Variants in GRK3 observed in about 807,000 individuals in gnomAD.
GRK3 encodes the protein adrenergic, beta, receptor kinase 2.
A neutral mutation model predicts 95.7 loss-of-function variants in GRK3; 54 were observed. The ratio of observed to expected loss-of-function variants is 0.56; its 90% CI spans 0.45 to 0.71. GRK3 has a LOEUF of 0.71. Among genes scored for constraint, GRK3 ranks in the 30% least tolerant of loss-of-function variants. The probability of loss-of-function intolerance (pLI) is 0.00; values close to 1 mark genes in which losing one functional copy is unlikely to be tolerated. For synonymous variants in GRK3, 281 were observed against 290.8 expected (o/e 0.97, Z 0.34); for missense variants, 649 against 851.2 (o/e 0.76, Z 2.96).
chr22:25,599,310 A>G (rs2084392749), intron 1 of GRK3, among the ~76,000 whole-genome samples: 1 of 152,212 alleles, frequency 6.6e-6, no homozygotes, highest in Non-Finnish European at 1.5e-5. Flanking sequence ...AATCACATAT[A>G]TGCCAGGTGC....
intron 12 of GRK3, among the ~76,000 whole-genome samples, chr22:25,691,989 G>C (rs2146439970): frequency 6.6e-6 from 1 of 152,092 alleles, no homozygotes; most frequent in East Asian, 1.9e-4. Context: ...TTTGAGACAG[G>C]GTCTTGCTCT....
intron 6 of GRK3, 77 bp from the exon 7 acceptor site, chr22:25,672,219 T>C (rs1387849665): frequency 2.8e-6 from 2 of 722,318 alleles, no homozygotes; most frequent in Non-Finnish European, 4.6e-6. Flanking sequence ...GCCGTTCTAG[T>C]CTGTCTTACG....
chr22:25,706,567 G>T (rs1171323434), intron 15 of GRK3, among the ~76,000 whole-genome samples: 1 of 152,022 alleles, frequency 6.6e-6, no homozygotes, highest in Middle Eastern at 3.2e-3. Context: ...GTCTCGCTCT[G>T]TTACCCAGGT....
intron 3 of GRK3, among the ~76,000 whole-genome samples, chr22:25,645,677 C>A (rs960603310): frequency 3.3e-5 from 5 of 152,120 alleles, no homozygotes; most frequent in African/African-American, 1.2e-4. Context: ...AATCCCAGCA[C>A]TTTGGGAGGC....
At chr22:25,712,489 C>T (rs760066006) in intron 17 of GRK3, among the ~76,000 whole-genome samples, 4 of 152,224 alleles carry the variant, frequency 2.6e-5, no homozygotes, top group Non-Finnish European at 4.4e-5. Context: ...ACTATCTGTC[C>T]GTCAGAGTAC....
chr22:25,672,686 C>G (rs1432405447), intron 7 of GRK3, among the ~76,000 whole-genome samples: 1 of 152,032 alleles, frequency 6.6e-6, no homozygotes, highest in Non-Finnish European at 1.5e-5. Context: ...GGTAGAGTTC[C>G]TTTTCTTTTT....
At chr22:25,703,632 C>T (rs1002989404) in intron 14 of GRK3, 56 bp downstream of exon 14, 30 of 1,215,326 alleles carry the variant, frequency 2.5e-5, no homozygotes, top group South Asian at 2.5e-4. Context: ...TGCTTCATTC[C>T]GTCAATAATA....
chr22:25,588,267 C>T (rs1932384652), intron 1 of GRK3, among the ~76,000 whole-genome samples: 1 of 151,998 alleles, frequency 6.6e-6, no homozygotes, highest in African/African-American at 2.4e-5. Flanking sequence ...TTTATTGTCA[C>T]CTTAATATCT....
At chr22:25,685,078 A>C (rs1376397033) in intron 9 of GRK3, 92 bp from the exon 10 acceptor site, 2 of 822,332 alleles carry the variant, frequency 2.4e-6, no homozygotes, top group Non-Finnish European at 4.1e-6. Flanking sequence ...AAAATAAAGT[A>C]ATTTTAAAAA....
intron 19 of GRK3, 73 bp downstream of exon 19, chr22:25,718,454 A>G: frequency 6.6e-7 from 1 of 1,526,660 alleles, no homozygotes; most frequent in Non-Finnish European, 9.0e-7. Flanking sequence ...CATGTTGCTG[A>G]CATGTTTTAT....
intron 1 of GRK3, among the ~76,000 whole-genome samples, chr22:25,570,464 A>G (rs1352077116): frequency 9.9e-5 from 15 of 152,222 alleles, no homozygotes; most frequent in Admixed American, 9.2e-4. Flanking sequence ...AAAGGGAAAA[A>G]CAATATTTTT....
In GRK3 at chr22:25,702,774, A is replaced by G. The variant is rs533032860; in HGVS notation, c.1161-736A>G. On this transcript the variant is annotated intron_variant, in intron 13 of 20. Coordinates refer to ENST00000324198, the MANE Select transcript of GRK3 (RefSeq NM_005160.4). ...TACTGCCATTGTCTTGGCTACTTGC[A>G]TAGATGTCACTTTAGTTTTTCCCTT... 10 of 455,978 alleles carry G rather than the reference A, an allele frequency of 2.2e-5. 1 individual carries two copies. Among genetic ancestry groups the G allele is most frequent in the African/African-American group, 8.0e-5 (4 of 50,184 alleles). The allele number at this position is 455,978 out of a possible 1,614,324, so 28.2% of individuals were successfully genotyped here. A position where few individuals can be genotyped will look rare whatever the true frequency, so the allele number is the denominator to read the frequency against.
chr22:25,569,697 ACGCCT>A (rs1931616165), intron 1 of GRK3, among the ~76,000 whole-genome samples: 1 of 152,202 alleles, frequency 6.6e-6, no homozygotes. Flanking sequence ...AGCTAGCAGG[ACGCCT>A]GGCCTCCCTA....
chr22:25,594,481 G>A (rs1212439071), intron 1 of GRK3, among the ~76,000 whole-genome samples: 1 of 152,130 alleles, frequency 6.6e-6, no homozygotes, highest in Admixed American at 6.5e-5. Flanking sequence ...AAATCCAGCA[G>A]CACATCAAAG....
chr22:25,711,209 A>G (rs2085341547), intron 17 of GRK3, 46 bp downstream of exon 17: 1 of 1,351,896 alleles, frequency 7.4e-7, no homozygotes, highest in South Asian at 1.3e-5. Context: ...TTTGGATGGG[A>G]TGATTTCTGT....
intron 13 of GRK3, among the ~76,000 whole-genome samples, chr22:25,698,035 G>A (rs1045879180): frequency 6.6e-6 from 1 of 151,872 alleles, no homozygotes; most frequent in Non-Finnish European, 1.5e-5. Context: ...ACTGCTTGAT[G>A]CTGTGGGGGA....
chr22:25,657,241 C>G (rs2084878510), intron 3 of GRK3, among the ~76,000 whole-genome samples: 1 of 152,066 alleles, frequency 6.6e-6, no homozygotes, highest in Non-Finnish European at 1.5e-5. Context: ...TTCTACATCT[C>G]TTTTGATTTT....
chr22:25,673,378 T>C (rs528476386), intron 7 of GRK3, among the ~76,000 whole-genome samples: 1 of 145,758 alleles, frequency 6.9e-6, no homozygotes, highest in Non-Finnish European at 1.5e-5. Flanking sequence ...TTGTTTTTTT[T>C]AAAAATACTT....
chr22:25,616,794 G>A (rs1279963470), intron 2 of GRK3, among the ~76,000 whole-genome samples: 1 of 152,232 alleles, frequency 6.6e-6, no homozygotes, highest in African/African-American at 2.4e-5. Context: ...CAGGTCTAAA[G>A]ATAAAGGAGA....
Sources: allele counts gnomAD v4.1 joint callset (sites outside exome capture counted in the v4.1 genomes callset), GRCh38; gene constraint gnomAD v4.1.1; transcripts MANE v1.5; gene names NCBI Gene and HGNC (gene_info 2026-07-23, HGNC 2026-07-21).